The following LMAN2 variants were observed in gnomAD, a reference collection of about 807,000 sequenced individuals.
The protein encoded by LMAN2 is lectin, mannose binding 2.
A neutral mutation model predicts 39.3 loss-of-function variants in LMAN2; 22 were observed. That is an observed-to-expected ratio of 0.56 (90% CI 0.40 to 0.80). The LOEUF is 0.80. Ranked by LOEUF, LMAN2 falls within the 30% of genes least tolerant of loss-of-function variation. The pLI is 0.00. For missense variants in LMAN2, 494 were observed against 505.4 expected (o/e 0.98, Z 0.22); for synonymous variants, 207 against 207.8 (o/e 1.00, Z 0.03).
chr5:177,351,592 C>T lies in LMAN2; in HGVS notation c.56G>A (p.Arg19Lys), dbSNP rs1474949534. 1 of 1,611,842 alleles carries T rather than the reference C, an allele frequency of 6.2e-7. No homozygotes were observed. The highest frequency in any genetic ancestry group is 1.3e-5 in the African/African-American group (1 of 74,720). The change falls in exon 1 of 8, where the codon AGG (arginine) becomes AAG (lysine). Residue 19 changes from arginine (R) to lysine (K), a missense_variant. By Grantham distance (26) the Arg-to-Lys change is conservative. Transcript: ENST00000303127. Reference protein sequence around the residue: ...RWGWGRRCLGRPGLLGPGPGP... With the variant: ...RWGWGRRCLGKPGLLGPGPGP... ...AGGGCCGGGGCCGAGAAGCCCAGGC[C>T]TTCCCAGGCACCGCCGGCCCCAGCC... is the stretch of plus-strand genomic sequence containing the variant.
intron 2 of LMAN2, 105 bp downstream of exon 2, chr5:177,351,068 G>A (rs1761714868): frequency 2.1e-6 from 2 of 946,302 alleles, no homozygotes; most frequent in African/African-American, 1.6e-5. Context: ...AAAAGGCCAG[G>A]GACGGAGGTG....
chr5:177,344,210 C>G (rs547600819), intron 2 of LMAN2, among the ~76,000 whole-genome samples: 33 of 149,166 alleles, frequency 2.2e-4, no homozygotes, highest in Non-Finnish European at 1.0e-4. Context: ...AAAGTGAGAC[C>G]CCCCCCATCT....
chr5:177,351,559 G>A lies in LMAN2; in HGVS notation c.89C>T (p.Thr30Ile). The A allele has an allele frequency of 6.2e-7, 1 of 1,614,248 alleles. No homozygotes were observed. The highest frequency in any genetic ancestry group is 8.5e-7 in the Non-Finnish European group (1 of 1,180,048). Residue 30 changes from threonine (T) to isoleucine (I), a missense_variant, in exon 1 of 8, where the codon ACT (threonine) becomes ATT (isoleucine). Physicochemically the swap from Thr to Ile is moderately conservative, Grantham distance 89 (BLOSUM62 -1). Coordinates refer to ENST00000303127, the MANE Select transcript of LMAN2 (RefSeq NM_006816.3). Reference protein sequence around the residue: ...PGLLGPGPGPTTPLFLLLLLG... With the variant: ...PGLLGPGPGPITPLFLLLLLG... ...CAACAAAAGAAGAAAGAGAGGTGTA[G>A]TGGGGCCAGGGCCGGGGCCGAGAAG...
rs368151073 is a variant in LMAN2 at position 177,351,663 on chromosome 5, G to A, written c.-16C>T. 955 of 1,560,826 alleles carry A rather than the reference G, an allele frequency of 6.1e-4. 6 individuals are homozygous for A. The African/African-American group carries it at 0.012, about 20-fold the overall frequency. On this transcript the variant is annotated 5_prime_UTR_variant, in exon 1 of 8. Transcript: ENST00000303127. ...CCGCCGCCATTCTCCTCTCCTCTCG[G>A]CCACTTCCGCCCTAGAACTTCCGCC...
At position 177,345,453 on chromosome 5, in the gene LMAN2, T is replaced by C. The variant is rs936777301; in HGVS notation, c.315+5720A>G. The stretch of plus-strand genomic sequence containing the variant: ...AGGTAAAAAGGGTTAAAGTGGTAAA[T>C]TTTATGTTATATGCATTTACAACAT... On this transcript the variant is annotated intron_variant, in intron 2 of 7. Coordinates refer to ENST00000303127, the MANE Select transcript of LMAN2 (RefSeq NM_006816.3). Among the ~76,000 whole-genome samples, 3 of 151,522 alleles carry C rather than the reference T, an allele frequency of 2.0e-5. No individual in the cohort carries two copies. In the South Asian group the frequency reaches 6.2e-4, roughly 31 times the overall value.
chr5:177,351,467 T>A lies in LMAN2; in HGVS notation c.181A>T (p.Ile61Phe). The change falls in exon 1 of 8, where the codon ATT becomes TTT. Residue 61 changes from isoleucine to phenylalanine, a missense_variant. Physicochemically the swap from Ile to Phe is conservative, Grantham distance 21. Transcript: ENST00000303127. ...SEHLKREHSL[I>F]KPYQGVGSSS... Reference sequence around the variant, plus strand: ...AGGGCTTCACCTTGGTAGGGCTTAATGAGCGAATGCTCCCGCTTGAGATGT... The same window carrying A: ...AGGGCTTCACCTTGGTAGGGCTTAAAGAGCGAATGCTCCCGCTTGAGATGT... 1 of 1,613,540 alleles carries A rather than the reference T, an allele frequency of 6.2e-7. No homozygotes were observed.
intron 2 of LMAN2, among the ~76,000 whole-genome samples, chr5:177,340,590 T>C (rs969763612): frequency 5.3e-5 from 8 of 152,024 alleles, no homozygotes; most frequent in African/African-American, 1.7e-4. Context: ...GCCAACATGG[T>C]GAAACCCCGT....
chr5:177,345,799 G>A (rs948096131), intron 2 of LMAN2, among the ~76,000 whole-genome samples: 5 of 149,540 alleles, frequency 3.3e-5, no homozygotes, highest in African/African-American at 7.3e-5. Context: ...AGACAGTCTC[G>A]CTCTGTCGCC....
chr5:177,332,407 T>A lies in LMAN2; in HGVS notation c.911-161A>T. Reference sequence around the variant, plus strand: ...AGGGGCAGAGGTCAGGTGAAGCCCATCCCAGCCAGCTCTGCAGTCCCCAGG... The same window carrying A: ...AGGGGCAGAGGTCAGGTGAAGCCCAACCCAGCCAGCTCTGCAGTCCCCAGG... On this transcript the variant is annotated intron_variant, in intron 7 of 7. Coordinates refer to ENST00000303127, the MANE Select transcript of LMAN2 (RefSeq NM_006816.3). The surrounding 1 kb of genome is among the most constrained non-coding windows in gnomAD (Gnocchi z 6.3). The A allele has an allele frequency of 1.5e-6, 1 of 652,442 alleles. No individual in the cohort carries two copies. The highest frequency in any genetic ancestry group is 2.6e-6 in the Non-Finnish European group (1 of 382,514). The allele number at this position is 652,442 out of a possible 1,614,324, so 40.4% of individuals were successfully genotyped here. A position where few individuals can be genotyped will look rare whatever the true frequency, so the allele number is the denominator to read the frequency against.
At position 177,351,616 on chromosome 5, in the gene LMAN2, C is replaced by G. The variant is rs767113961; in HGVS notation, c.32G>C (p.Gly11Ala). Residue 11 changes from glycine (G) to alanine (A), a missense_variant, in exon 1 of 8, where the codon GGC becomes GCC. Physicochemically the swap from Gly to Ala is moderately conservative, Grantham distance 60. Coordinates refer to ENST00000303127, the MANE Select transcript of LMAN2 (RefSeq NM_006816.3). ...CCTTCCCAGGCACCGCCGGCCCCAG[C>G]CCCAACGCCAAATCCAGCCTTCCGC... MAAEGWIWRW[G>A]WGRRCLGRPG... is the part of the protein sequence containing the mutation. 5 of 1,601,378 alleles carry G rather than the reference C, an allele frequency of 3.1e-6. No homozygotes were observed. The highest frequency in any genetic ancestry group is 3.7e-4 in the Middle Eastern group (2 of 5,462).
chr5:177,346,314 G>A, intron 2 of LMAN2: 1 of 347,378 alleles, frequency 2.9e-6, no homozygotes, highest in Admixed American at 3.6e-5. Context: ...GTTTCCAGAT[G>A]AGAATCCACA....
chr5:177,337,450 C>T lies in LMAN2; in HGVS notation c.588G>A (p.Trp196Ter). The T allele has an allele frequency of 6.2e-7, 1 of 1,613,930 alleles. No individual in the cohort carries two copies. The highest frequency in any genetic ancestry group is 8.5e-7 in the Non-Finnish European group (1 of 1,180,028). ...CAGCCGTGCAGCCCGCCAGCTCGGTCCAGCGCCCATCCTTGCTGTGGTCGT... is the reference window on the plus strand; with the variant it reads ...CAGCCGTGCAGCCCGCCAGCTCGGTTCAGCGCCCATCCTTGCTGTGGTCGT... ...LSYDHSKDGR[W>*]TELAGCTADF... The change falls in exon 5 of 8, where the codon TGG becomes TGA. Residue 196 changes from tryptophan to a stop codon, truncating the protein, a stop_gained. Coordinates refer to ENST00000303127, the MANE Select transcript of LMAN2 (RefSeq NM_006816.3). LOFTEE classifies it high-confidence loss of function. This position sits in a 1 kb window ranked among gnomAD's most constrained non-coding sequence, Gnocchi z 8.2.
intron 2 of LMAN2, chr5:177,346,350 T>A (rs542416177): frequency 1.2e-4 from 68 of 568,900 alleles, no homozygotes; most frequent in Non-Finnish European, 1.7e-4. Flanking sequence ...TCCACAGTCC[T>A]TCTGAGATTA....
chr5:177,345,326 T>A, intron 2 of LMAN2, among the ~76,000 whole-genome samples: 1 of 114,432 alleles, frequency 8.7e-6, no homozygotes, highest in East Asian at 2.2e-4. Flanking sequence ...AGGTGACAGA[T>A]TAAGACCCTG....
At chr5:177,351,109 T>C in intron 2 of LMAN2, 64 bp downstream of exon 2, 1 of 1,445,076 alleles carries the variant, frequency 6.9e-7, no homozygotes, top group Non-Finnish European at 9.7e-7. Context: ...GGGTCTCAGC[T>C]GCTCGGGAGG....
At chr5:177,344,218 T>C (rs1347408918) in intron 2 of LMAN2, among the ~76,000 whole-genome samples, 7 of 141,570 alleles carry the variant, frequency 4.9e-5, no homozygotes, top group East Asian at 2.2e-4. Flanking sequence ...ACCCCCCCCA[T>C]CTCTAAAAAA....
At chr5:177,334,247 G>C (rs759076284) in intron 7 of LMAN2, 37 bp downstream of exon 7, 1 of 1,588,552 alleles carries the variant, frequency 6.3e-7, no homozygotes, top group African/African-American at 1.3e-5. Flanking sequence ...GGGTCAGGCC[G>C]CCCAGGCCCA....
chr5:177,331,959 ATACTT>A lies in LMAN2; in HGVS notation c.*122_*126del. 8.8e-7 allele frequency: 1 copy of A among 1,142,812 alleles called. No homozygotes were observed. Among genetic ancestry groups the A allele is most frequent in the Admixed American group, 2.9e-5 (1 of 34,286 alleles). 70.8% of individuals were successfully genotyped at this position (1,142,812 alleles called of 1,614,324 possible). On this transcript the variant is annotated 3_prime_UTR_variant, in exon 8 of 8. Transcript: ENST00000303127. ...TGGGCAAGAAGCAAAATGTATGAAA[ATACTT>A]TAATCATTTATTTGAAACAGTTAAG... is the stretch of plus-strand genomic sequence containing the variant.
At chr5:177,338,976 C>A (rs1432076485) in intron 2 of LMAN2, among the ~76,000 whole-genome samples, 1 of 152,266 alleles carries the variant, frequency 6.6e-6, no homozygotes, top group African/African-American at 2.4e-5. Flanking sequence ...GCCCTGGAAC[C>A]TTCTGCAGAC....
Sources: gnomAD v4.1 joint callset for allele counts (sites outside exome capture counted in the v4.1 genomes callset) on GRCh38, gnomAD v4.1.1 for gene constraint, Gnocchi (gnomAD v3.1) non-coding constraint, MANE v1.5 for transcripts, NCBI Gene and HGNC (gene_info 2026-07-23, HGNC 2026-07-21) for gene names.